The following SLX4IP variants were observed in gnomAD, a reference collection of about 807,000 sequenced individuals.
The protein encoded by SLX4IP is protein SLX4IP.
In SLX4IP, 34 loss-of-function variants were observed where a neutral mutation model predicts 32.9. That is an observed-to-expected ratio of 1.03 (90% CI 0.79 to 1.38). SLX4IP has a LOEUF of 1.38. Ranked by LOEUF, SLX4IP falls within the 40% of genes most tolerant of loss-of-function variation. The probability of loss-of-function intolerance (pLI) is 0.00; values close to 1 mark genes in which losing one functional copy is unlikely to be tolerated. For missense variants in SLX4IP, 444 were observed against 479.0 expected (o/e 0.93, Z 0.68); for synonymous variants, 172 against 171.7 (o/e 1.00, Z -0.01).
At chr20:10,576,559 T>C (rs1313405901) in intron 4 of SLX4IP, among the ~76,000 whole-genome samples, 2 of 152,198 alleles carry the variant, frequency 1.3e-5, no homozygotes, top group Non-Finnish European at 2.9e-5. Flanking sequence ...TTGAGAAAAT[T>C]ATCCATGCCT....
At chr20:10,550,982 T>C (rs1221953082) in intron 2 of SLX4IP, among the ~76,000 whole-genome samples, 1 of 152,154 alleles carries the variant, frequency 6.6e-6, no homozygotes, top group Non-Finnish European at 1.5e-5. Flanking sequence ...ACTCAGCAGG[T>C]GTTTCAGATG....
chr20:10,559,731 C>T (rs1409852097), intron 3 of SLX4IP, among the ~76,000 whole-genome samples: 1 of 152,110 alleles, frequency 6.6e-6, no homozygotes, highest in African/African-American at 2.4e-5. Context: ...AAACAATTGA[C>T]CTATCCTGAA....
rs2067178355 is a variant in SLX4IP, at chr20:10,626,851, T to C, written c.*3472T>C. ...CATAAAAACCCTCTGTATTTTGATTTATGAAGAATATAGCTTCTCTCTGAA... is the reference window on the plus strand; with the variant it reads ...CATAAAAACCCTCTGTATTTTGATTCATGAAGAATATAGCTTCTCTCTGAA... On this transcript the variant is annotated 3_prime_UTR_variant, in exon 8 of 8. Coordinates refer to ENST00000334534, the MANE Select transcript of SLX4IP (RefSeq NM_001009608.3). 6.6e-6 allele frequency: 1 copy of C among 152,238 alleles called. No homozygotes were observed. The highest frequency in any genetic ancestry group is 6.5e-5 in the Admixed American group (1 of 15,280). The allele number at this position is 152,238 out of a possible 1,614,324, so 9.4% of individuals were successfully genotyped here.
intron 2 of SLX4IP, among the ~76,000 whole-genome samples, chr20:10,508,859 C>T (rs970468209): frequency 5.3e-5 from 8 of 152,158 alleles, no homozygotes; most frequent in Non-Finnish European, 7.4e-5. Context: ...CAGCCAAAGA[C>T]GACTCCCAGT....
At chr20:10,592,191 T>G (rs1479801312) in intron 4 of SLX4IP, among the ~76,000 whole-genome samples, 3 of 152,166 alleles carry the variant, frequency 2.0e-5, no homozygotes, top group African/African-American at 7.2e-5. Context: ...ATGTCTTGGG[T>G]AATAAGTGAA....
At chr20:10,595,915 C>G (rs989577144) in intron 4 of SLX4IP, among the ~76,000 whole-genome samples, 1 of 152,158 alleles carries the variant, frequency 6.6e-6, no homozygotes, top group African/African-American at 2.4e-5. Flanking sequence ...GGCAGGTTTT[C>G]CATTGAAACC....
chr20:10,583,813 TA>T (rs2066613619), intron 4 of SLX4IP, among the ~76,000 whole-genome samples: 1 of 152,218 alleles, frequency 6.6e-6, no homozygotes, highest in Admixed American at 6.5e-5. Context: ...GTATTTATAT[TA>T]CTAGTAAATA....
At chr20:10,618,446 G>A (rs1042221887) in intron 6 of SLX4IP, among the ~76,000 whole-genome samples, 2 of 152,210 alleles carry the variant, frequency 1.3e-5, no homozygotes, top group African/African-American at 4.8e-5. Flanking sequence ...GAGGCAGATG[G>A]CTGGAAATGG....
intron 6 of SLX4IP, among the ~76,000 whole-genome samples, chr20:10,611,979 A>G (rs942031288): frequency 2.0e-5 from 3 of 152,138 alleles, no homozygotes; most frequent in Non-Finnish European, 4.4e-5. Context: ...TCCTAGACTC[A>G]TTTCTGCCCC....
chr20:10,561,080 T>G (rs1484443391), intron 4 of SLX4IP, among the ~76,000 whole-genome samples: 1 of 152,216 alleles, frequency 6.6e-6, no homozygotes, highest in African/African-American at 2.4e-5. Flanking sequence ...TGTTTTTTAT[T>G]TTTAAGGTTT....
At chr20:10,501,102 C>T (rs971435411) in intron 2 of SLX4IP, among the ~76,000 whole-genome samples, 1 of 152,102 alleles carries the variant, frequency 6.6e-6, no homozygotes, top group East Asian at 1.9e-4. Context: ...GAAAATAAAT[C>T]GCGAAAGTTC....
intron 2 of SLX4IP, among the ~76,000 whole-genome samples, chr20:10,486,204 C>G (rs2065572458): frequency 8.9e-6 from 1 of 111,732 alleles, no homozygotes; most frequent in African/African-American, 3.4e-5. Flanking sequence ...TTTTTTTTTA[C>G]TAGGTAGGCA....
rs117433234 is a variant in SLX4IP, at chr20:10,622,652, G to A, written c.507-7G>A. The A allele has an allele frequency of 3.6e-5, 57 of 1,596,768 alleles. No homozygotes were observed. Among genetic ancestry groups the A allele is most frequent in the Non-Finnish European group, 4.8e-5 (56 of 1,173,136 alleles). On this transcript the variant is annotated splice_region_variant and splice_polypyrimidine_tract_variant and intron_variant, in intron 7 of 7. Coordinates refer to ENST00000334534, the MANE Select transcript of SLX4IP (RefSeq NM_001009608.3). The stretch of plus-strand genomic sequence containing the variant: ...ACAAACCATAAAATCATTTTTGTTT[G>A]TTTCAGTGTGAAAAGAACTGAAACA...
chr20:10,478,628 G>A (rs998693500), intron 2 of SLX4IP, among the ~76,000 whole-genome samples: 6 of 152,164 alleles, frequency 3.9e-5, no homozygotes, highest in Non-Finnish European at 7.4e-5. Flanking sequence ...GTTAAAATAT[G>A]TTCTCTTGGG....
At chr20:10,471,665 G>A (rs1268192276) in intron 2 of SLX4IP, among the ~76,000 whole-genome samples, 3 of 152,072 alleles carry the variant, frequency 2.0e-5, no homozygotes, top group East Asian at 3.9e-4. Flanking sequence ...TTTTGTTTCC[G>A]TTATCTGTAT....
At chr20:10,488,381 AG>A (rs2069092070) in intron 2 of SLX4IP, among the ~76,000 whole-genome samples, 1 of 152,150 alleles carries the variant, frequency 6.6e-6, no homozygotes, top group Non-Finnish European at 1.5e-5. Flanking sequence ...AGCTAGGAGA[AG>A]AGGCATGGAA....
rs2067143668 is a variant in SLX4IP at position 10,623,773 on chromosome 20, C to T, written c.*394C>T. 5.6e-6 allele frequency: 1 copy of T among 178,590 alleles called. No homozygotes were observed. Among genetic ancestry groups the T allele is most frequent in the African/African-American group, 2.4e-5 (1 of 42,258 alleles). 11.1% of individuals were successfully genotyped at this position (178,590 alleles called of 1,614,324 possible). A position where few individuals can be genotyped will look rare whatever the true frequency, so the allele number is the denominator to read the frequency against. On this transcript the variant is annotated 3_prime_UTR_variant, in exon 8 of 8. Transcript: ENST00000334534. ...AGTGCTGCCGTGCTGCCTTTCAGCT[C>T]CAGGGGTACAATCCATCCCCCTGCT...
chr20:10,541,808 C>T (rs1970874880), intron 2 of SLX4IP, among the ~76,000 whole-genome samples: 1 of 152,132 alleles, frequency 6.6e-6, no homozygotes, highest in African/African-American at 2.4e-5. Context: ...TCTGGGAGGG[C>T]AGGGATTATT....
At chr20:10,540,188 CCTCT>C (rs1470744198) in intron 2 of SLX4IP, among the ~76,000 whole-genome samples, 2 of 147,886 alleles carry the variant, frequency 1.4e-5, no homozygotes, top group Non-Finnish European at 3.0e-5. Flanking sequence ...TCCCTCCCTC[CCTCT>C]CTTTCTTTCT....
Sources: allele counts gnomAD v4.1 joint callset (sites outside exome capture counted in the v4.1 genomes callset), GRCh38; gene constraint gnomAD v4.1.1; transcripts MANE v1.5; gene names NCBI Gene and HGNC (gene_info 2026-07-23, HGNC 2026-07-21).